Variants in RAB11FIP3 observed in about 807,000 individuals in gnomAD.
RAB11FIP3 encodes the protein RAB11 family interacting protein 3, also known as rab11 family-interacting protein 3.
Under a neutral mutation model 77.8 loss-of-function variants are expected in RAB11FIP3, and 17 were observed. The observed-to-expected ratio is 0.22, with a 90% confidence interval of 0.15 to 0.33. The LOEUF (loss-of-function observed/expected upper bound fraction) is 0.33, where lower values mean the gene tolerates loss of function less well. RAB11FIP3 is among the 10% of genes least tolerant of loss of function. The probability of loss-of-function intolerance (pLI) is 1.00; values close to 1 mark genes in which losing one functional copy is unlikely to be tolerated. For synonymous variants in RAB11FIP3, 437 were observed against 448.2 expected (o/e 0.98, Z 0.31); for missense variants, 1,005 against 1,011.2 (o/e 0.99, Z 0.08).
In RAB11FIP3 at chr16:507,709, G is replaced by A. The variant is rs1371563410; in HGVS notation, c.1499+2082G>A. On this transcript the variant is annotated intron_variant, in intron 8 of 13. Coordinates refer to ENST00000262305, the MANE Select transcript of RAB11FIP3 (RefSeq NM_014700.4). The surrounding 1 kb of genome is among the most constrained non-coding windows in gnomAD (Gnocchi z 4.6). The stretch of plus-strand genomic sequence containing the variant: ...CATTCAGTTCCTGTGGCTGTTCCCT[G>A]TGGTGCTCACCTCCAACGTCCTAAA... Among the ~76,000 whole-genome samples, 1 of 152,236 alleles carries A rather than the reference G, an allele frequency of 6.6e-6. No individual in the cohort carries two copies. Among genetic ancestry groups the A allele is most frequent in the African/African-American group, 2.4e-5 (1 of 41,456 alleles).
intron 6 of RAB11FIP3, among the ~76,000 whole-genome samples, chr16:500,644 C>T (rs767265233): frequency 1.6e-5 from 2 of 128,184 alleles, no homozygotes; most frequent in Non-Finnish European, 3.1e-5. Flanking sequence ...GCTGAGATTG[C>T]ACCACTGCAC....
chr16:499,363 G>A (rs865918361), intron 6 of RAB11FIP3, among the ~76,000 whole-genome samples: 1 of 152,192 alleles, frequency 6.6e-6, no homozygotes, highest in Non-Finnish European at 1.5e-5. Flanking sequence ...ATGAAAGACC[G>A]GTCAAGGCCA....
chr16:512,306 T>G (rs1377816224), intron 9 of RAB11FIP3, among the ~76,000 whole-genome samples: 1 of 152,054 alleles, frequency 6.6e-6, no homozygotes, highest in Non-Finnish European at 1.5e-5. Flanking sequence ...AGTGGCGCGA[T>G]CTCGGCTCAC....
intron 5 of RAB11FIP3, among the ~76,000 whole-genome samples, chr16:491,680 A>G (rs1001783734): frequency 9.2e-5 from 14 of 152,268 alleles, no homozygotes. Context: ...GAATACTCAC[A>G]GTGAGCGTGT....
intron 6 of RAB11FIP3, chr16:497,148 TC>T (rs1177517601): frequency 1.4e-6 from 1 of 706,458 alleles, no homozygotes; most frequent in Non-Finnish European, 2.1e-6. Context: ...TCCCCAGATG[TC>T]TGCTCTATGT....
At position 505,408 on chromosome 16, in the gene RAB11FIP3, G is replaced by A. The variant is rs756794308; in HGVS notation, c.1396-116G>A. The A allele has an allele frequency of 2.7e-6, 2 of 744,240 alleles. No homozygotes were observed. The highest frequency in any genetic ancestry group is 4.3e-6 in the Non-Finnish European group (2 of 460,294). The allele number at this position is 744,240 out of a possible 1,614,324, so 46.1% of individuals were successfully genotyped here. A position where few individuals can be genotyped will look rare whatever the true frequency, so the allele number is the denominator to read the frequency against. ...TTGGATCCAACACCAGCCTAGCTAG[G>A]TGGATCTGATTCTGTGCTGAGAAAA... On this transcript the variant is annotated intron_variant, in intron 7 of 13. Coordinates refer to ENST00000262305, the MANE Select transcript of RAB11FIP3 (RefSeq NM_014700.4). The surrounding 1 kb of genome is among the most constrained non-coding windows in gnomAD (Gnocchi z 4.0).
chr16:501,767 G>A (rs2031540564), intron 6 of RAB11FIP3, among the ~76,000 whole-genome samples: 1 of 151,086 alleles, frequency 6.6e-6, no homozygotes, highest in Admixed American at 6.6e-5. Context: ...AGGAAGCTGG[G>A]AGAGGGTCCC....
chr16:469,761 G>A (rs796729553), intron 2 of RAB11FIP3, among the ~76,000 whole-genome samples: 2 of 152,276 alleles, frequency 1.3e-5, no homozygotes, highest in African/African-American at 4.8e-5. Flanking sequence ...CTGGACTTAA[G>A]CAATCCTCTA....
intron 1 of RAB11FIP3, among the ~76,000 whole-genome samples, chr16:427,638 G>A (rs1236807862): frequency 6.6e-6 from 1 of 152,206 alleles, no homozygotes; most frequent in Non-Finnish European, 1.5e-5. Context: ...ATTTTACTTA[G>A]CAGGAAATCC....
At chr16:509,210 T>C (rs2032018122) in intron 8 of RAB11FIP3, among the ~76,000 whole-genome samples, 1 of 152,244 alleles carries the variant, frequency 6.6e-6, no homozygotes, top group Non-Finnish European at 1.5e-5. Context: ...AATCGGACTT[T>C]TAAATTGTCC....
At chr16:452,049 T>A (rs2055417484) in intron 1 of RAB11FIP3, among the ~76,000 whole-genome samples, 1 of 151,914 alleles carries the variant, frequency 6.6e-6, no homozygotes, top group Non-Finnish European at 1.5e-5. Flanking sequence ...CTCGGGAGGC[T>A]GATGAGGGAG....
chr16:471,651 T>C lies in RAB11FIP3; in HGVS notation c.903+262T>C, dbSNP rs918570816. Among the ~76,000 whole-genome samples the C allele has an allele frequency of 2.0e-5, 3 of 152,150 alleles. 1 individual carries two copies. Among genetic ancestry groups the C allele is most frequent in the Admixed American group, 2.0e-4 (3 of 15,286 alleles). ...AGAAGTGGGGTGGGCAGTGATGTCA[T>C]GACCACCCGCTGCCAGGCTGGCAGG... On this transcript the variant is annotated intron_variant, in intron 3 of 13. Transcript: ENST00000262305. This position sits in a 1 kb window ranked among gnomAD's most constrained non-coding sequence, Gnocchi z 4.4.
intron 9 of RAB11FIP3, among the ~76,000 whole-genome samples, chr16:511,757 A>C (rs1263712505): frequency 2.2e-4 from 18 of 81,894 alleles, no homozygotes; most frequent in African/African-American, 3.1e-4. Context: ...CACCCCAGAA[A>C]CTGCAGGCCA....
intron 2 of RAB11FIP3, among the ~76,000 whole-genome samples, chr16:465,875 G>C (rs2055693460): frequency 6.6e-6 from 1 of 152,196 alleles, no homozygotes; most frequent in African/African-American, 2.4e-5. Flanking sequence ...AAAGTGCTGG[G>C]ATTACAGACG....
chr16:432,474 TAA>T (rs1424072366), intron 1 of RAB11FIP3, among the ~76,000 whole-genome samples: 2 of 152,072 alleles, frequency 1.3e-5, no homozygotes, highest in Admixed American at 6.6e-5. Context: ...TTAATATCAT[TAA>T]GAGATAATTA....
intron 1 of RAB11FIP3, among the ~76,000 whole-genome samples, chr16:446,580 G>C (rs778329291): frequency 2.0e-5 from 3 of 152,202 alleles, no homozygotes; most frequent in Non-Finnish European, 4.4e-5. Flanking sequence ...TGTGGCATCT[G>C]CTGCTCTAGC....
intron 1 of RAB11FIP3, among the ~76,000 whole-genome samples, chr16:437,518 T>G (rs2141852735): frequency 7.3e-6 from 1 of 136,868 alleles, no homozygotes; most frequent in East Asian, 2.2e-4. Context: ...TGCAGTGAGC[T>G]GAGATAGTGC....
At position 520,876 on chromosome 16, in the gene RAB11FIP3, C is replaced by CG; in HGVS notation, c.*37_*38insG. The CG allele has an allele frequency of 6.4e-7, 1 of 1,553,080 alleles. No individual in the cohort carries two copies. The highest frequency in any genetic ancestry group is 1.1e-5 in the South Asian group (1 of 89,818). Reference sequence around the variant, plus strand: ...TCCAGCCTGAGCTGGATTCGGGACTCCAACACCCTGGAGTGGTTCCGTCAG... The same window carrying CG: ...TCCAGCCTGAGCTGGATTCGGGACTCGCAACACCCTGGAGTGGTTCCGTCAG... On this transcript the variant is annotated 3_prime_UTR_variant, in exon 14 of 14. Coordinates refer to ENST00000262305, the MANE Select transcript of RAB11FIP3 (RefSeq NM_014700.4).
rs916746821 is a variant in RAB11FIP3, at chr16:461,960, T to G, written c.808+463T>G. ...CTTCCGCGCACACCGCCCTGAACAC[T>G]GCAGCCCGTACCACCATCGTTCCCT... On this transcript the variant is annotated intron_variant, in intron 2 of 13. Transcript: ENST00000262305. The surrounding 1 kb of genome is among the most constrained non-coding windows in gnomAD (Gnocchi z 4.5). 6.6e-6 allele frequency among the ~76,000 whole-genome samples: 1 copy of G among 152,228 alleles called. No individual in the cohort carries two copies. Among genetic ancestry groups the G allele is most frequent in the Non-Finnish European group, 1.5e-5 (1 of 68,044 alleles).
Sources: allele counts gnomAD v4.1 joint callset (sites outside exome capture counted in the v4.1 genomes callset), GRCh38; gene constraint gnomAD v4.1.1; non-coding constraint Gnocchi (gnomAD v3.1); transcripts MANE v1.5; gene names NCBI Gene and HGNC (gene_info 2026-07-23, HGNC 2026-07-21).